Variants in WDR93 observed in about 807,000 individuals in gnomAD.
WDR93 encodes WD repeat-containing protein 93.
Under a neutral mutation model 82.9 loss-of-function variants are expected in WDR93, and 73 were observed. The ratio of observed to expected loss-of-function variants is 0.88; its 90% CI spans 0.73 to 1.07. WDR93 has a LOEUF of 1.07. Among genes scored for constraint, WDR93 ranks in the 50% least tolerant of loss-of-function variants. The pLI, the probability that WDR93 is intolerant of heterozygous loss-of-function variation, is 0.00. For synonymous variants in WDR93, 283 were observed against 300.1 expected (o/e 0.94, Z 0.59); for missense variants, 738 against 826.0 (o/e 0.89, Z 1.31).
At chr15:89,703,966 GA>G (rs1242257836) in intron 3 of WDR93, 3 of 152,168 alleles carry the variant, frequency 2.0e-5, no homozygotes, top group Non-Finnish European at 4.4e-5. Flanking sequence ...ATGAGAGGCA[GA>G]AAAACTATGC....
chr15:89,705,709 A>G, intron 4 of WDR93, 91 bp downstream of exon 4: 1 of 889,302 alleles, frequency 1.1e-6, no homozygotes, highest in Non-Finnish European at 1.8e-6. Flanking sequence ...GCTGGCCTAG[A>G]TTAGAAAGAA....
intron 7 of WDR93, 96 bp downstream of exon 7, chr15:89,717,045 C>CTTTTTTTTTTTTT (rs11457156): frequency 5.8e-5 from 10 of 172,162 alleles, no homozygotes; most frequent in South Asian, 1.2e-4. Context: ...CTTTTTCTTT[C>CTTTTTTTTTTTTT]TTTTTTTTTT....
intron 13 of WDR93, among the ~76,000 whole-genome samples, chr15:89,733,639 C>T (rs1475307960): frequency 1.3e-5 from 2 of 152,024 alleles, no homozygotes; most frequent in South Asian, 2.1e-4. Context: ...GGAAGAGATA[C>T]CTGAGCTAGA....
chr15:89,723,410 C>A (rs888391897), intron 8 of WDR93, among the ~76,000 whole-genome samples: 1 of 151,992 alleles, frequency 6.6e-6, no homozygotes, highest in South Asian at 2.1e-4. Flanking sequence ...CCACTACACT[C>A]CAGCCTGGTG....
rs1487613073 is a variant in WDR93 at position 89,725,109 on chromosome 15, CAAGT to C, written c.881-2047_881-2044del. ...AGGAATGTACCCATAGATTTGCAAGCAAGTGTGTTCCAGGAAACATGTGCATGAA... is the reference window on the plus strand; with the variant it reads ...AGGAATGTACCCATAGATTTGCAAGCGTGTTCCAGGAAACATGTGCATGAA... On this transcript the variant is annotated intron_variant, in intron 8 of 16. Coordinates refer to ENST00000268130, the MANE Select transcript of WDR93 (RefSeq NM_020212.2). Among the ~76,000 whole-genome samples, 9 of 152,272 alleles carry C rather than the reference CAAGT, an allele frequency of 5.9e-5. No homozygotes were observed. The South Asian group carries it at 1.4e-3, about 25-fold the overall frequency.
At chr15:89,742,056 T>C (rs1164622104) in intron 16 of WDR93, among the ~76,000 whole-genome samples, 1 of 151,158 alleles carries the variant, frequency 6.6e-6, no homozygotes, top group Non-Finnish European at 1.5e-5. Context: ...CGGCCTCCAA[T>C]ACATTTTTAA....
chr15:89,699,570 T>C (rs1284911884), intron 1 of WDR93, among the ~76,000 whole-genome samples: 8 of 152,182 alleles, frequency 5.3e-5, no homozygotes, highest in Non-Finnish European at 8.8e-5. Context: ...TTCTCTCTTC[T>C]GGGGATTTCA....
Position 89,735,531 on chromosome 15 carries a change from C to T in WDR93, c.1586C>T (p.Pro529Leu). The T allele has an allele frequency of 6.2e-7, 1 of 1,614,198 alleles. No homozygotes were observed. The highest frequency in any genetic ancestry group is 8.5e-7 in the Non-Finnish European group (1 of 1,180,034). ...GATAAAACCATCTGTGCCGTGGCCC[C>T]AGTCCCAGCCTTACCTGGCATGGTA... Reference protein sequence around the residue: ...HLDKTICAVAPVPALPGMVLI... With the variant: ...HLDKTICAVALVPALPGMVLI... The change falls in exon 14 of 17, where the codon CCA (proline) becomes CTA (leucine). Residue 529 changes from proline (P) to leucine (L), a missense_variant. Pro to Leu is a moderately conservative substitution (Grantham distance 98, BLOSUM62 -3). Coordinates refer to ENST00000268130, the MANE Select transcript of WDR93 (RefSeq NM_020212.2).
intron 1 of WDR93, among the ~76,000 whole-genome samples, chr15:89,695,056 A>G (rs1213204031): frequency 6.6e-6 from 1 of 152,192 alleles, no homozygotes; most frequent in East Asian, 1.9e-4. Flanking sequence ...TTTGATACCA[A>G]TACCACACTG....
chr15:89,710,142 A>C (rs1965908409), intron 4 of WDR93, among the ~76,000 whole-genome samples: 2 of 152,386 alleles, frequency 1.3e-5, no homozygotes, highest in South Asian at 4.1e-4. Flanking sequence ...CTTGGACGAC[A>C]GAGTGAGACT....
chr15:89,739,001 C>T (rs1967434990), intron 16 of WDR93, among the ~76,000 whole-genome samples: 2 of 151,636 alleles, frequency 1.3e-5, no homozygotes, highest in Non-Finnish European at 2.9e-5. Context: ...TTTGTCCCAG[C>T]TACTCTGGAG....
intron 2 of WDR93, among the ~76,000 whole-genome samples, chr15:89,702,529 G>A (rs1965517502): frequency 8.1e-6 from 1 of 122,828 alleles, no homozygotes; most frequent in Non-Finnish European, 1.7e-5. Flanking sequence ...ACTATGTTTG[G>A]GAATGTTGTT....
At chr15:89,696,765 G>A (rs1965198484) in intron 1 of WDR93, among the ~76,000 whole-genome samples, 1 of 152,088 alleles carries the variant, frequency 6.6e-6, no homozygotes, top group Non-Finnish European at 1.5e-5. Context: ...AAAGTGCTCG[G>A]ATGATAGGTT....
At chr15:89,697,228 G>T (rs1881472057) in intron 1 of WDR93, among the ~76,000 whole-genome samples, 1 of 151,986 alleles carries the variant, frequency 6.6e-6, no homozygotes, top group Non-Finnish European at 1.5e-5. Context: ...CAAAGTGCTT[G>T]GATTACAGGC....
intron 1 of WDR93, among the ~76,000 whole-genome samples, chr15:89,692,013 A>G (rs1198490968): frequency 1.3e-5 from 2 of 152,164 alleles, no homozygotes; most frequent in African/African-American, 4.8e-5. Flanking sequence ...CAGTGTGGGG[A>G]GAAATGGCTC....
intron 8 of WDR93, among the ~76,000 whole-genome samples, chr15:89,726,864 G>A (rs535731243): frequency 6.6e-5 from 10 of 152,006 alleles, no homozygotes; most frequent in South Asian, 2.1e-4. Context: ...CTGCCCCACC[G>A]CCCCCCACAC....
At chr15:89,713,800 G>A (rs1966114215) in intron 5 of WDR93, among the ~76,000 whole-genome samples, 1 of 152,080 alleles carries the variant, frequency 6.6e-6, no homozygotes, top group Non-Finnish European at 1.5e-5. Flanking sequence ...AATGCTTTGT[G>A]TATTCAAGGA....
At chr15:89,712,004 T>G in intron 4 of WDR93, 22 bp from the exon 5 acceptor site, 1 of 1,603,108 alleles carries the variant, frequency 6.2e-7, no homozygotes. Context: ...GCCTACTCTA[T>G]CAACATCTCT....
intron 12 of WDR93, among the ~76,000 whole-genome samples, chr15:89,732,703 C>A (rs777674040): frequency 7.9e-5 from 12 of 152,064 alleles, no homozygotes; most frequent in Non-Finnish European, 1.8e-4. Flanking sequence ...CCATGGTCAG[C>A]TGCGCCTCAG....
Sources: gnomAD v4.1 joint callset for allele counts (sites outside exome capture counted in the v4.1 genomes callset) on GRCh38, gnomAD v4.1.1 for gene constraint, MANE v1.5 for transcripts, NCBI Gene and HGNC (gene_info 2026-07-23, HGNC 2026-07-21) for gene names.